The following MALRD1 variants were observed in gnomAD, a reference collection of about 807,000 sequenced individuals.
MALRD1 encodes the protein MAM and LDL receptor class A domain containing 1, also known as MAM and LDL-receptor class A domain-containing protein 1.
MALRD1 carries 247 observed loss-of-function variants against 242.1 expected under a neutral mutation model. That is an observed-to-expected ratio of 1.02 (90% confidence interval 0.92 to 1.13). The LOEUF (loss-of-function observed/expected upper bound fraction) is 1.13, where lower values mean the gene tolerates loss of function less well. MALRD1 is among the 50% of genes most tolerant of loss of function. The pLI is 0.00. For synonymous variants in MALRD1, 995 were observed against 866.6 expected, an observed-to-expected ratio of 1.15 and a Z score of -2.60; for missense variants, 2,989 against 2,533.1, an observed-to-expected ratio of 1.18 and a Z score of -3.86.
At chr10:19,410,815 G>C (rs1037169111) in intron 28 of MALRD1, among the ~76,000 whole-genome samples, 1 of 151,928 alleles carries the variant, frequency 6.6e-6, no homozygotes, top group Admixed American at 6.6e-5. Flanking sequence ...ATTGGATAGT[G>C]CAGAATATAC....
chr10:19,579,838 G>A (rs1258794513), intron 33 of MALRD1, among the ~76,000 whole-genome samples: 2 of 152,202 alleles, frequency 1.3e-5, no homozygotes, highest in African/African-American at 2.4e-5. Context: ...AAAGAGGAAT[G>A]TATTTAATAA....
chr10:19,562,911 C>T (rs1285050681), intron 32 of MALRD1, among the ~76,000 whole-genome samples: 3 of 152,270 alleles, frequency 2.0e-5, no homozygotes, highest in South Asian at 2.1e-4. Context: ...AGTCACTTCC[C>T]CTGGCACCCC....
At chr10:19,249,896 T>C (rs1354816290) in intron 18 of MALRD1, among the ~76,000 whole-genome samples, 2 of 151,904 alleles carry the variant, frequency 1.3e-5, no homozygotes, top group Non-Finnish European at 2.9e-5. Context: ...CTGCTTTAGG[T>C]CTACATCAGT....
intron 33 of MALRD1, among the ~76,000 whole-genome samples, chr10:19,577,593 C>T (rs1242046617): frequency 6.6e-6 from 1 of 152,108 alleles, no homozygotes; most frequent in Non-Finnish European, 1.5e-5. Context: ...TCAGTGTGAA[C>T]TATATTCCAT....
chr10:19,677,570 C>T (rs1842186688), intron 36 of MALRD1, among the ~76,000 whole-genome samples: 2 of 152,116 alleles, frequency 1.3e-5, no homozygotes, highest in South Asian at 2.1e-4. Context: ...GGATGTTAGA[C>T]ATTTGTCAGA....
intron 33 of MALRD1, among the ~76,000 whole-genome samples, chr10:19,593,880 A>G (rs1837942986): frequency 1.3e-5 from 2 of 152,190 alleles, no homozygotes; most frequent in South Asian, 4.1e-4. Flanking sequence ...GAAGCAGGTT[A>G]TCTTCAGGAT....
At chr10:19,558,224 T>C (rs1835811713) in intron 32 of MALRD1, among the ~76,000 whole-genome samples, 1 of 151,916 alleles carries the variant, frequency 6.6e-6, no homozygotes, top group Non-Finnish European at 1.5e-5. Flanking sequence ...ATTAGTATGC[T>C]TTTTTCCCCC....
chr10:19,634,764 A>G (rs1840054448), intron 36 of MALRD1, among the ~76,000 whole-genome samples: 1 of 152,182 alleles, frequency 6.6e-6, no homozygotes, highest in East Asian at 1.9e-4. Flanking sequence ...GTAAGAAGTC[A>G]GAACGCTATA....
intron 2 of MALRD1, among the ~76,000 whole-genome samples, chr10:19,085,952 A>G (rs981402768): frequency 6.6e-6 from 1 of 152,090 alleles, no homozygotes; most frequent in African/African-American, 2.4e-5. Context: ...CTAAAATAAT[A>G]TATGCATATG....
chr10:19,180,070 G>T (rs751772628), intron 14 of MALRD1, among the ~76,000 whole-genome samples: 93 of 152,244 alleles, frequency 6.1e-4, no homozygotes, highest in Middle Eastern at 3.4e-3. Flanking sequence ...TTAAAAAGAG[G>T]CAAGAGGAAA....
At chr10:19,226,056 C>G (rs1195342863) in intron 18 of MALRD1, among the ~76,000 whole-genome samples, 1 of 152,010 alleles carries the variant, frequency 6.6e-6, no homozygotes, top group African/African-American at 2.4e-5. Context: ...TATCACAACT[C>G]AAAAATGACA....
intron 27 of MALRD1, 162 bp from the exon 28 acceptor site, chr10:19,389,290 C>G (rs1474181216): frequency 6.3e-6 from 5 of 794,696 alleles, no homozygotes; most frequent in African/African-American, 1.7e-5. Flanking sequence ...TGTCAGCAAG[C>G]TAGAGGCGAG....
chr10:19,286,725 G>A (rs1488342283), intron 21 of MALRD1, among the ~76,000 whole-genome samples: 1 of 151,304 alleles, frequency 6.6e-6, no homozygotes, highest in East Asian at 1.9e-4. Flanking sequence ...ATTCACAGCC[G>A]AATTCTACCA....
At chr10:19,376,542 CTTTTTTTTTTTTT>C (rs57836152) in intron 26 of MALRD1, among the ~76,000 whole-genome samples, 22 of 94,992 alleles carry the variant, frequency 2.3e-4, no homozygotes, top group South Asian at 4.1e-4. Context: ...TTGATACATT[CTTTTTTTTTTTTT>C]TTTTTTTTTT....
chr10:19,421,897 AGT>A (rs1833731193), intron 28 of MALRD1, among the ~76,000 whole-genome samples: 1 of 152,204 alleles, frequency 6.6e-6, no homozygotes, highest in South Asian at 2.1e-4. Flanking sequence ...AGCCAAAGTG[AGT>A]GTGTTTGTGC....
intron 16 of MALRD1, 24 bp downstream of exon 16, chr10:19,204,437 A>G (rs1266792721): frequency 7.0e-7 from 1 of 1,438,116 alleles, no homozygotes; most frequent in Non-Finnish European, 9.5e-7. Flanking sequence ...AAATATTTAA[A>G]CAATATTAAA....
chr10:19,326,154 C>T (rs1284628835), intron 22 of MALRD1, among the ~76,000 whole-genome samples: 1 of 151,994 alleles, frequency 6.6e-6, no homozygotes, highest in Non-Finnish European at 1.5e-5. Context: ...TCTGGGTTGA[C>T]GTTAAAACTT....
chr10:19,547,823 T>TAA (rs1835303838), intron 32 of MALRD1, among the ~76,000 whole-genome samples: 1 of 47,614 alleles, frequency 2.1e-5, no homozygotes, highest in Non-Finnish European at 5.4e-5. Context: ...TATATATTTT[T>TAA]TTTTTTTTTT....
chr10:19,375,060 A>G (rs1396209687), intron 26 of MALRD1, among the ~76,000 whole-genome samples: 3 of 152,146 alleles, frequency 2.0e-5, no homozygotes, highest in Non-Finnish European at 4.4e-5. Context: ...TTCTAGATAT[A>G]GACTGAAAAT....
Sources: allele counts gnomAD v4.1 joint callset (sites outside exome capture counted in the v4.1 genomes callset), GRCh38; gene constraint gnomAD v4.1.1; transcripts MANE v1.5; gene names NCBI Gene and HGNC (gene_info 2026-07-23, HGNC 2026-07-21).